Variants in MLYCD observed in about 807,000 individuals in gnomAD.
MLYCD encodes the protein malonyl-CoA decarboxylase, mitochondrial.
Under a neutral mutation model 35.8 loss-of-function variants are expected in MLYCD, and 27 were observed. The observed-to-expected ratio is 0.75, with a 90% CI of 0.56 to 1.04. MLYCD has a LOEUF of 1.04. MLYCD is among the 50% of genes least tolerant of loss of function. MLYCD has a pLI of 0.00. For synonymous variants in MLYCD, 403 were observed against 302.4 expected, an observed-to-expected ratio of 1.33 and a Z score of -3.45; for missense variants, 917 against 665.1, an observed-to-expected ratio of 1.38 and a Z score of -4.17.
rs1297430508 is a variant in MLYCD at position 83,923,618 on chromosome 16, A to C, written c.*8129A>C. ...AGCCTGCCTCCTTCCCTAGAGGATC[A>C]CCGTGTCCAGCCCTGAAGCTGGAGC... On this transcript the variant is annotated 3_prime_UTR_variant, in exon 5 of 5. Transcript: ENST00000262430. The C allele has an allele frequency of 6.6e-6, 1 of 152,288 alleles. No homozygotes were observed. The highest frequency in any genetic ancestry group is 1.5e-5 in the Non-Finnish European group (1 of 68,098). 9.4% of individuals were successfully genotyped at this position (152,288 alleles called of 1,614,324 possible).
intron 1 of MLYCD, among the ~76,000 whole-genome samples, chr16:83,905,823 A>T (rs889851840): frequency 1.3e-5 from 2 of 152,318 alleles, no homozygotes; most frequent in East Asian, 3.9e-4. Context: ...AATTTGAAAG[A>T]AAAGGGGTAC....
At chr16:83,909,372 C>T (rs1907091874) in intron 3 of MLYCD, among the ~76,000 whole-genome samples, 1 of 152,184 alleles carries the variant, frequency 6.6e-6, no homozygotes, top group Admixed American at 6.5e-5. Flanking sequence ...GCTGTAGACA[C>T]ATGGCGCGGC....
At chr16:83,904,993 A>G (rs1296411638) in intron 1 of MLYCD, among the ~76,000 whole-genome samples, 2 of 152,196 alleles carry the variant, frequency 1.3e-5, no homozygotes, top group Non-Finnish European at 2.9e-5. Flanking sequence ...AGGAGACCTC[A>G]TCTCCTTCCG....
intron 1 of MLYCD, among the ~76,000 whole-genome samples, chr16:83,900,157 C>G (rs1906733538): frequency 6.6e-6 from 1 of 152,166 alleles, no homozygotes; most frequent in African/African-American, 2.4e-5. Context: ...GTAAATAGGA[C>G]TCAAGGTCAC....
rs187995222 is a variant in MLYCD, at chr16:83,920,377, T to C, written c.*4888T>C. The C allele has an allele frequency of 3.9e-5, 6 of 152,322 alleles. No homozygotes were observed. The East Asian group carries it at 9.6e-4, about 24-fold the overall frequency. The allele number at this position is 152,322 out of a possible 1,614,324, so 9.4% of individuals were successfully genotyped here. On this transcript the variant is annotated 3_prime_UTR_variant, in exon 5 of 5. Transcript: ENST00000262430. ...GGCTGAGGTCGCTGCCTGTGAACAG[T>C]TGACAGACCTAAAGCCAGCCAGAAT...
chr16:83,915,083 A>G lies in MLYCD; in HGVS notation c.1076A>G (p.Glu359Gly). 1 of 1,614,228 alleles carries G rather than the reference A, an allele frequency of 6.2e-7. No individual in the cohort carries two copies. Among genetic ancestry groups the G allele is most frequent in the Middle Eastern group, 1.6e-4 (1 of 6,062 alleles). The change falls in exon 5 of 5, where the codon GAA becomes GGA. Residue 359 changes from glutamate to glycine, a missense_variant. Physicochemically the swap from Glu to Gly is moderately conservative, Grantham distance 98. Transcript: ENST00000262430. ...HGRNELFTDS[E>G]CKEISEITGG... ...AGGAATGAACTCTTTACAGATTCGG[A>G]ATGTAAGGAAATCTCGGAGATCACA...
Position 83,899,457 on chromosome 16 carries a change from C to A in MLYCD, c.313C>A (p.Gln105Lys). ...CGTGGACCACGGCCAGGTGGCGGAG[C>A]AGAGCGCCGGCGTGCTCCATCTGCG... ...FGVDHGQVAE[Q>K]SAGVLHLRQQ... Residue 105 changes from glutamine (Q) to lysine (K), a missense_variant, in exon 1 of 5, where the codon CAG (glutamine) becomes AAG (lysine). By Grantham distance (53) the Gln-to-Lys change is moderately conservative. Coordinates refer to ENST00000262430, the MANE Select transcript of MLYCD (RefSeq NM_012213.3). 6.5e-7 allele frequency: 1 copy of A among 1,529,918 alleles called. No homozygotes were observed. Among genetic ancestry groups the A allele is most frequent in the Non-Finnish European group, 8.7e-7 (1 of 1,148,772 alleles). 94.8% of individuals were successfully genotyped at this position (1,529,918 alleles called of 1,614,324 possible).
intron 3 of MLYCD, 179 bp from the exon 4 acceptor site, chr16:83,912,039 G>A (rs1907197351): frequency 1.2e-6 from 1 of 847,516 alleles, no homozygotes; most frequent in South Asian, 1.5e-5. Context: ...GCCTCCTCCA[G>A]AGAGTTTTCA....
At chr16:83,904,730 C>T (rs949913369) in intron 1 of MLYCD, among the ~76,000 whole-genome samples, 14 of 152,180 alleles carry the variant, frequency 9.2e-5, no homozygotes, top group African/African-American at 9.7e-5. Context: ...TGCTTAAATC[C>T]GTTTTCAAAC....
rs903593639 is a variant in MLYCD at position 83,918,609 on chromosome 16, C to T, written c.*3120C>T. 7.2e-6 allele frequency: 1 copy of T among 137,952 alleles called. No homozygotes were observed. Among genetic ancestry groups the T allele is most frequent in the Non-Finnish European group, 1.5e-5 (1 of 65,282 alleles). The allele number at this position is 137,952 out of a possible 1,614,324, so 8.5% of individuals were successfully genotyped here. A position where few individuals can be genotyped will look rare whatever the true frequency, so the allele number is the denominator to read the frequency against. ...TGCACAGGAGAACACGCACAGTGCACAGGAGAACACGGTGCACCGGAGAAC... is the reference window on the plus strand; with the variant it reads ...TGCACAGGAGAACACGCACAGTGCATAGGAGAACACGGTGCACCGGAGAAC... On this transcript the variant is annotated 3_prime_UTR_variant, in exon 5 of 5. Coordinates refer to ENST00000262430, the MANE Select transcript of MLYCD (RefSeq NM_012213.3).
Position 83,912,381 on chromosome 16 carries a change from A to G in MLYCD, c.948+14A>G. 6.2e-7 allele frequency: 1 copy of G among 1,614,056 alleles called. No homozygotes were observed. ...AAGGAGTTGCAGGTAAGCGACACGC[A>G]GGGAGCCCCGGTCACGCTTGGCTTC... On this transcript the variant is annotated intron_variant, in intron 4 of 4. Transcript: ENST00000262430.
chr16:83,915,599 T>C lies in MLYCD; in HGVS notation c.*110T>C. On this transcript the variant is annotated 3_prime_UTR_variant, in exon 5 of 5. Transcript: ENST00000262430. ...CTTTCCAAGCAAAGCCAAAGTTGAC[T>C]GTGTTCTTGTCCCGCAGCCGGTCCA... 1 of 1,539,462 alleles carries C rather than the reference T, an allele frequency of 6.5e-7. No homozygotes were observed. Among genetic ancestry groups the C allele is most frequent in the Admixed American group, 1.9e-5 (1 of 51,510 alleles).
At chr16:83,912,388 C>T in intron 4 of MLYCD, 21 bp downstream of exon 4, 1 of 1,613,918 alleles carries the variant, frequency 6.2e-7, no homozygotes, top group Non-Finnish European at 8.5e-7. Flanking sequence ...CGCAGGGAGC[C>T]CCGGTCACGC....
chr16:83,906,321 G>T (rs1473674076), intron 1 of MLYCD, among the ~76,000 whole-genome samples: 1 of 152,180 alleles, frequency 6.6e-6, no homozygotes, highest in African/African-American at 2.4e-5. Flanking sequence ...AGCCCAGGAG[G>T]TCAAGGCTGC....
Position 83,915,980 on chromosome 16 carries a change from C to T in MLYCD, c.*491C>T. ...TGCAGAGGGACAAAGGGCTGTGCTACACTTCCCAGTTACATTCTGAAGCTC... is the reference window on the plus strand; with the variant it reads ...TGCAGAGGGACAAAGGGCTGTGCTATACTTCCCAGTTACATTCTGAAGCTC... On this transcript the variant is annotated 3_prime_UTR_variant, in exon 5 of 5. Coordinates refer to ENST00000262430, the MANE Select transcript of MLYCD (RefSeq NM_012213.3). The T allele has an allele frequency of 9.8e-7, 1 of 1,022,974 alleles. No homozygotes were observed. The highest frequency in any genetic ancestry group is 1.2e-6 in the Non-Finnish European group (1 of 851,038). 63.4% of individuals were successfully genotyped at this position (1,022,974 alleles called of 1,614,324 possible). A position where few individuals can be genotyped will look rare whatever the true frequency, so the allele number is the denominator to read the frequency against.
rs1262514718 is a variant in MLYCD at position 83,916,146 on chromosome 16, C to T, written c.*657C>T. On this transcript the variant is annotated 3_prime_UTR_variant, in exon 5 of 5. Transcript: ENST00000262430. Reference sequence around the variant, plus strand: ...AGGGATTCAGGTTCATAATGAACTTCACAGTAAAGAACACGTTTGTTCTGT... The same window carrying T: ...AGGGATTCAGGTTCATAATGAACTTTACAGTAAAGAACACGTTTGTTCTGT... 2 of 992,812 alleles carry T rather than the reference C, an allele frequency of 2.0e-6. No individual in the cohort carries two copies. Among genetic ancestry groups the T allele is most frequent in the African/African-American group, 3.5e-5 (2 of 57,350 alleles). 61.5% of individuals were successfully genotyped at this position (992,812 alleles called of 1,614,324 possible).
rs1385802301 is a variant in MLYCD at position 83,919,130 on chromosome 16, CACACAGTGCACAGGAGA to C, written c.*3660_*3676del. The C allele has an allele frequency of 1.6e-4, 24 of 148,358 alleles. No homozygotes were observed. Among genetic ancestry groups the C allele is most frequent in the Admixed American group, 6.7e-4 (10 of 14,962 alleles). 9.2% of individuals were successfully genotyped at this position (148,358 alleles called of 1,614,324 possible). A position where few individuals can be genotyped will look rare whatever the true frequency, so the allele number is the denominator to read the frequency against. ...AACACAGACACAGTGCACAGGAGAA[CACACAGTGCACAGGAGA>C]ACACAGTGCACAGGAGAATACACAC... On this transcript the variant is annotated 3_prime_UTR_variant, in exon 5 of 5. Transcript: ENST00000262430.
intron 1 of MLYCD, among the ~76,000 whole-genome samples, chr16:83,903,116 A>C (rs1404918983): frequency 6.6e-6 from 1 of 152,170 alleles, no homozygotes; most frequent in Non-Finnish European, 1.5e-5. Context: ...TGGGCACTCG[A>C]GGAAGGTTGG....
Position 83,899,994 on chromosome 16 carries a change from A to G in MLYCD, c.528+322A>G, listed in dbSNP as rs116874693. Among the ~76,000 whole-genome samples the G allele has an allele frequency of 4.1e-4, 62 of 152,254 alleles. No individual in the cohort carries two copies. The East Asian group carries it at 0.011, about 27-fold the overall frequency. Reference sequence around the variant, plus strand: ...TAGTGTGTGCTCTACAGTCTTTTGAAATTATTGTAGCTGAGAAGTGTTTCA... The same window carrying G: ...TAGTGTGTGCTCTACAGTCTTTTGAGATTATTGTAGCTGAGAAGTGTTTCA... On this transcript the variant is annotated intron_variant, in intron 1 of 4. Coordinates refer to ENST00000262430, the MANE Select transcript of MLYCD (RefSeq NM_012213.3).
Sources: gnomAD v4.1 joint callset for allele counts (sites outside exome capture counted in the v4.1 genomes callset) on GRCh38, gnomAD v4.1.1 for gene constraint, MANE v1.5 for transcripts, NCBI Gene and HGNC (gene_info 2026-07-23, HGNC 2026-07-21) for gene names.